FANCI: variants seen among roughly 807,000 people sequenced by gnomAD.
FANCI encodes FA complementation group I, also known as Fanconi anemia group I protein.
In FANCI, 156 loss-of-function variants were observed where a neutral mutation model predicts 176.1. That is an observed-to-expected ratio of 0.89 (90% CI 0.78 to 1.01). The LOEUF is 1.01. FANCI is among the 50% of genes least tolerant of loss of function. FANCI has a pLI of 0.00. For missense variants in FANCI, 1,678 were observed against 1,534.1 expected (o/e 1.09, Z -1.57); for synonymous variants, 613 against 541.7 (o/e 1.13, Z -1.83).
At chr15:89,297,384 C>T (rs1450848139) in intron 24 of FANCI, among the ~76,000 whole-genome samples, 3 of 152,068 alleles carry the variant, frequency 2.0e-5, no homozygotes, top group Non-Finnish European at 2.9e-5. Context: ...GCTGCAATCT[C>T]GGCACTTTGG....
rs1375452508 is a variant in FANCI at position 89,295,008 on chromosome 15, A to G, written c.2550A>G (p.Val850=). ...CAGTGAATGTAGCTCTGCAGAAAGT[A>G]CAGCAGCTAAAGGAAACAGGGCATG... is the stretch of plus-strand genomic sequence containing the variant. The part of the protein sequence containing the change: ...RYAVNVALQK[V]QQLKETGHVS... Residue 850 remains valine, a synonymous_variant, in exon 24 of 38, where the codon GTA becomes GTG. Transcript: ENST00000310775. 18 of 1,552,328 alleles carry G rather than the reference A, an allele frequency of 1.2e-5. No individual in the cohort carries two copies. Among genetic ancestry groups the G allele is most frequent in the Non-Finnish European group, 1.6e-5 (18 of 1,147,136 alleles).
intron 27 of FANCI, among the ~76,000 whole-genome samples, chr15:89,302,577 A>G: frequency 6.9e-6 from 1 of 144,986 alleles, no homozygotes; most frequent in South Asian, 2.2e-4. Context: ...TTAAAAAAAA[A>G]TTTTTTTTTT....
At chr15:89,294,560 G>A (rs1187339016) in intron 23 of FANCI, among the ~76,000 whole-genome samples, 1 of 151,944 alleles carries the variant, frequency 6.6e-6, no homozygotes, top group Non-Finnish European at 1.5e-5. Flanking sequence ...ACTCCAGCCT[G>A]GGCAACAAGA....
At chr15:89,315,239 C>G (rs775662971) in intron 36 of FANCI, 43 bp from the exon 37 acceptor site, 2 of 1,437,644 alleles carry the variant, frequency 1.4e-6, no homozygotes, top group Non-Finnish European at 2.0e-6. Flanking sequence ...TCTGGCAGGA[C>G]CTATGAGTAG....
rs1384513899 is a variant in FANCI at position 89,301,440 on chromosome 15, C to T, written c.3004C>T (p.Gln1002Ter). The T allele has an allele frequency of 6.2e-7, 1 of 1,602,522 alleles. No individual in the cohort carries two copies. The highest frequency in any genetic ancestry group is 1.3e-5 in the African/African-American group (1 of 74,800). Residue 1002 changes from glutamine to a stop codon, truncating the protein, a stop_gained and splice_region_variant, in exon 27 of 38, where the codon CAG becomes TAG. Coordinates refer to ENST00000310775, the MANE Select transcript of FANCI (RefSeq NM_001113378.2). LOFTEE classifies it high-confidence loss of function. ...LSKLLEPSSP[Q>*]FVQMLSWTSK... ...CAAGTTACTGGAGCCCTCCTCTCCT[C>T]AGGTACTAGTACCGCTAACTTAATC... is the stretch of plus-strand genomic sequence containing the variant.
chr15:89,277,283 A>G (rs2882557), intron 13 of FANCI, among the ~76,000 whole-genome samples: 45,638 of 152,038 alleles, frequency 0.3, 8,308 homozygotes, highest in Non-Finnish European at 0.39. Flanking sequence ...AGCTTAAAGA[A>G]TCATGCTTAA....
intron 16 of FANCI, chr15:89,282,893 C>T: frequency 2.0e-6 from 1 of 492,326 alleles, no homozygotes. Context: ...GACTTGAGAG[C>T]AGGATAGAAG....
Position 89,316,453 on chromosome 15 carries a change from A to G in FANCI, c.3981A>G (p.Lys1327=). The change falls in exon 38 of 38, where the codon AAA becomes AAG. Residue 1327 remains lysine (K), a synonymous_variant. Coordinates refer to ENST00000310775, the MANE Select transcript of FANCI (RefSeq NM_001113378.2). ...QNKEPAKKKR[K]K ...AAGAACCAGCCAAGAAGAAAAGGAA[A>G]AAATAAATGAAATGCCTGAGTTAAT... is the stretch of plus-strand genomic sequence containing the variant. 1 of 1,609,820 alleles carries G rather than the reference A, an allele frequency of 6.2e-7. No homozygotes were observed. Among genetic ancestry groups the G allele is most frequent in the Non-Finnish European group, 8.5e-7 (1 of 1,177,434 alleles).
At chr15:89,296,673 C>T (rs1324413770) in intron 24 of FANCI, among the ~76,000 whole-genome samples, 1 of 152,192 alleles carries the variant, frequency 6.6e-6, no homozygotes, top group Non-Finnish European at 1.5e-5. Context: ...ACAAAACCGC[C>T]ATTGTCATCG....
At chr15:89,301,464 T>A in intron 27 of FANCI, 22 bp downstream of exon 27, 1 of 1,470,416 alleles carries the variant, frequency 6.8e-7, no homozygotes, top group Middle Eastern at 1.7e-4. Context: ...GCTAACTTAA[T>A]CCCATTTAGC....
At chr15:89,247,928 G>A (rs1435469338) in intron 2 of FANCI, among the ~76,000 whole-genome samples, 197 bp downstream of exon 2, 1 of 152,132 alleles carries the variant, frequency 6.6e-6, no homozygotes, top group African/African-American at 2.4e-5. Context: ...ACTACTTGAG[G>A]GCATTTGTGA....
intron 2 of FANCI, among the ~76,000 whole-genome samples, chr15:89,257,116 C>T (rs1292514008): frequency 6.6e-6 from 1 of 152,124 alleles, no homozygotes; most frequent in Non-Finnish European, 1.5e-5. Context: ...CCGTGTTAGC[C>T]AGGATGGTCT....
rs372014278 is a variant in FANCI, at chr15:89,252,251, G to T, written c.84+4520G>T. 2.0e-5 allele frequency among the ~76,000 whole-genome samples: 3 copies of T among 150,422 alleles called. No individual in the cohort carries two copies. The South Asian group carries it at 6.3e-4, about 32-fold the overall frequency. Reference sequence around the variant, plus strand: ...GGAGGTGGAGGTTGCAGTGAGCCCAGATTGCACCATTGCACTTCAACCTGG... The same window carrying T: ...GGAGGTGGAGGTTGCAGTGAGCCCATATTGCACCATTGCACTTCAACCTGG... On this transcript the variant is annotated intron_variant, in intron 2 of 37. Coordinates refer to ENST00000310775, the MANE Select transcript of FANCI (RefSeq NM_001113378.2).
intron 24 of FANCI, among the ~76,000 whole-genome samples, chr15:89,299,256 G>A (rs2054438253): frequency 6.6e-6 from 1 of 151,914 alleles, no homozygotes; most frequent in African/African-American, 2.4e-5. Context: ...TTGAATTTGT[G>A]GTTCAAACTT....
Position 89,300,311 on chromosome 15 carries a change from A to AAGG in FANCI, c.2817_2819dup (p.Glu940dup). On this transcript the variant is annotated inframe_insertion, in exon 26 of 38. Transcript: ENST00000310775. ...TTTTCCATTCCTAGATGTCACAGATAAGGAAGGAGAAGAGAGAGAAGATGC... is the reference window on the plus strand; with the variant it reads ...TTTTCCATTCCTAGATGTCACAGATAAGGAGGAAGGAGAAGAGAGAGAAGATGC... The AAGG allele has an allele frequency of 6.2e-7, 1 of 1,613,676 alleles. No homozygotes were observed. The highest frequency in any genetic ancestry group is 8.5e-7 in the Non-Finnish European group (1 of 1,179,624).
chr15:89,302,264 C>T (rs1009184796), intron 27 of FANCI, among the ~76,000 whole-genome samples: 4 of 152,136 alleles, frequency 2.6e-5, no homozygotes, highest in Non-Finnish European at 5.9e-5. Flanking sequence ...TGCTTCCTGT[C>T]GTCCTACTTC....
chr15:89,261,585 G>T lies in FANCI; in HGVS notation c.289G>T (p.Ala97Ser), dbSNP rs781732306. Reference protein sequence around the residue: ...SEIIGLLMLEAHHFPGPLLVE... With the variant: ...SEIIGLLMLESHHFPGPLLVE... ...TTTCCTTTATCCTGTGAACTTTTAG[G>T]CTCACCATTTTCCAGGACCATTATT... The change falls in exon 5 of 38, where the codon GCT (alanine) becomes TCT (serine). Residue 97 changes from alanine (A) to serine (S), a missense_variant and splice_region_variant. Physicochemically the swap from Ala to Ser is moderately conservative, Grantham distance 99 (BLOSUM62 1). Coordinates refer to ENST00000310775, the MANE Select transcript of FANCI (RefSeq NM_001113378.2). The T allele has an allele frequency of 2.5e-6, 4 of 1,614,002 alleles. No homozygotes were observed. Among genetic ancestry groups the T allele is most frequent in the Non-Finnish European group, 2.5e-6 (3 of 1,180,004 alleles).
chr15:89,273,068 G>C (rs2053259492), intron 10 of FANCI, among the ~76,000 whole-genome samples: 1 of 152,198 alleles, frequency 6.6e-6, no homozygotes, highest in East Asian at 1.9e-4. Context: ...GAGAGACCAA[G>C]GTGGGAGGAT....
intron 1 of FANCI, 68 bp from the exon 2 acceptor site, chr15:89,247,561 G>T: frequency 2.7e-6 from 3 of 1,101,588 alleles, no homozygotes; most frequent in Non-Finnish European, 4.2e-6. Context: ...AGTTAACAGG[G>T]AAGGAAAACA....
Sources: gnomAD v4.1 joint callset for allele counts (sites outside exome capture counted in the v4.1 genomes callset) on GRCh38, gnomAD v4.1.1 for gene constraint, MANE v1.5 for transcripts, NCBI Gene and HGNC (gene_info 2026-07-23, HGNC 2026-07-21) for gene names.